Variants in EPAS1 observed in about 807,000 individuals in gnomAD.
The protein encoded by EPAS1 is endothelial PAS domain-containing protein 1.
Under a neutral mutation model 87.9 loss-of-function variants are expected in EPAS1, and 23 were observed. The observed-to-expected ratio is 0.26, with a 90% CI of 0.19 to 0.37. EPAS1 has a LOEUF of 0.37. Ranked by LOEUF, EPAS1 falls within the 10% of genes least tolerant of loss-of-function variation. The probability of loss-of-function intolerance (pLI) is 1.00; values close to 1 mark genes in which losing one functional copy is unlikely to be tolerated. For synonymous variants in EPAS1, 508 were observed against 444.3 expected, an observed-to-expected ratio of 1.14 and a Z score of -1.80; for missense variants, 1,138 against 1,120.7, an observed-to-expected ratio of 1.02 and a Z score of -0.22.
At chr2:46,302,504 G>C (rs1029004870) in intron 1 of EPAS1, among the ~76,000 whole-genome samples, 4 of 151,952 alleles carry the variant, frequency 2.6e-5, no homozygotes, top group African/African-American at 9.7e-5. Context: ...TGTCAAGTTA[G>C]CAATATTAGC....
At position 46,310,629 on chromosome 2, in the gene EPAS1, T is replaced by G. The variant is rs139857516; in HGVS notation, c.26+12692T>G. Among the ~76,000 whole-genome samples, 664 of 152,306 alleles carry G rather than the reference T, an allele frequency of 4.4e-3. 5 individuals are homozygous for G. Among genetic ancestry groups the G allele is most frequent in the African/African-American group, 0.015 (627 of 41,578 alleles). ...GGTAGAGCAGCTGGGGATTTTTCCC[T>G]CCTCGAGCAGGTGTAACCTTTCCCC... On this transcript the variant is annotated intron_variant, in intron 1 of 15. Transcript: ENST00000263734.
chr2:46,341,312 C>G (rs1021829291), intron 1 of EPAS1, among the ~76,000 whole-genome samples: 1 of 152,156 alleles, frequency 6.6e-6, no homozygotes, highest in Admixed American at 6.5e-5. Context: ...GGTGGGTAAA[C>G]TGGATAATAT....
In EPAS1 at chr2:46,376,893, A is replaced by G. The variant is rs1318024175; in HGVS notation, c.1249+140A>G. 4 of 857,152 alleles carry G rather than the reference A, an allele frequency of 4.7e-6. No homozygotes were observed. The African/African-American group carries it at 6.7e-5, about 14-fold the overall frequency. The allele number at this position is 857,152 out of a possible 1,614,324, so 53.1% of individuals were successfully genotyped here. A position where few individuals can be genotyped will look rare whatever the true frequency, so the allele number is the denominator to read the frequency against. On this transcript the variant is annotated intron_variant, in intron 9 of 15. Coordinates refer to ENST00000263734, the MANE Select transcript of EPAS1 (RefSeq NM_001430.5). ...CCCCAAGTCTTGTTAATCACCTGTT[A>G]GAGGCCAGGCCCTGCTGAGCACAAA...
chr2:46,383,131 C>T (rs116056466), intron 15 of EPAS1, among the ~76,000 whole-genome samples: 1,580 of 152,296 alleles, frequency 0.01, 17 homozygotes, highest in Non-Finnish European at 0.011. Flanking sequence ...TAGGGAGAAC[C>T]CTCCCATGAT....
At chr2:46,325,132 C>G (rs1370980795) in intron 1 of EPAS1, among the ~76,000 whole-genome samples, 1 of 152,232 alleles carries the variant, frequency 6.6e-6, no homozygotes, top group Admixed American at 6.5e-5. Flanking sequence ...GCTTAAAAAG[C>G]ATGGTGAGGA....
At position 46,360,602 on chromosome 2, in the gene EPAS1, G is replaced by C; in HGVS notation, c.455-36G>C. On this transcript the variant is annotated intron_variant, in intron 4 of 15. Transcript: ENST00000263734. This position sits in a 1 kb window ranked among gnomAD's most constrained non-coding sequence, Gnocchi z 4.5. ...CTCTCATGAATATCCATATAAAACT[G>C]ACTTCAGCTGGTTCTTCCCATCCTT... 1 of 1,583,396 alleles carries C rather than the reference G, an allele frequency of 6.3e-7. No homozygotes were observed. The highest frequency in any genetic ancestry group is 8.7e-7 in the Non-Finnish European group (1 of 1,152,262).
intron 1 of EPAS1, among the ~76,000 whole-genome samples, chr2:46,340,907 G>C (rs1477486917): frequency 1.3e-5 from 2 of 152,110 alleles, no homozygotes; most frequent in Non-Finnish European, 2.9e-5. Context: ...CTTTTTTAGA[G>C]ATGGGGTCTT....
At chr2:46,376,789 C>A in intron 9 of EPAS1, 36 bp downstream of exon 9, 1 of 1,604,146 alleles carries the variant, frequency 6.2e-7, no homozygotes, top group South Asian at 1.1e-5. Flanking sequence ...CCCCTGGAAC[C>A]CCGTTGGGGC....
At chr2:46,337,755 G>C (rs747837448) in intron 1 of EPAS1, among the ~76,000 whole-genome samples, 11 of 152,180 alleles carry the variant, frequency 7.2e-5, no homozygotes, top group Non-Finnish European at 1.5e-4. Context: ...TGGGTGTGGG[G>C]AAATACCTTC....
rs969516811 is a variant in EPAS1 at position 46,385,006 on chromosome 2, G to A, written c.*346G>A. On this transcript the variant is annotated 3_prime_UTR_variant, in exon 16 of 16. Transcript: ENST00000263734. ...AACTGTCCATACTAACAAGTTTGGT[G>A]CATGTCTGTTCTTCTGTAGGGAGAA... 5 of 332,256 alleles carry A rather than the reference G, an allele frequency of 1.5e-5. No individual in the cohort carries two copies. The highest frequency in any genetic ancestry group is 7.2e-5 in the East Asian group (1 of 13,876). The allele number at this position is 332,256 out of a possible 1,614,324, so 20.6% of individuals were successfully genotyped here. A position where few individuals can be genotyped will look rare whatever the true frequency, so the allele number is the denominator to read the frequency against.
chr2:46,307,599 G>A (rs1398801418), intron 1 of EPAS1, among the ~76,000 whole-genome samples: 1 of 152,090 alleles, frequency 6.6e-6, no homozygotes, highest in Non-Finnish European at 1.5e-5. Flanking sequence ...CTCCCATTTG[G>A]TAAGGGCCTT....
chr2:46,322,783 A>G (rs1683477079), intron 1 of EPAS1, among the ~76,000 whole-genome samples: 1 of 152,216 alleles, frequency 6.6e-6, no homozygotes, highest in African/African-American at 2.4e-5. Flanking sequence ...CAGGGATGGC[A>G]AAGGCATAGA....
intron 6 of EPAS1, among the ~76,000 whole-genome samples, chr2:46,367,700 C>T (rs1383856224): frequency 6.6e-6 from 1 of 152,256 alleles, no homozygotes; most frequent in Non-Finnish European, 1.5e-5. Context: ...CTGCTAGGAT[C>T]TCACTGGAGA....
rs574829074 is a variant in EPAS1 at position 46,312,908 on chromosome 2, G to A, written c.26+14971G>A. On this transcript the variant is annotated intron_variant, in intron 1 of 15. Coordinates refer to ENST00000263734, the MANE Select transcript of EPAS1 (RefSeq NM_001430.5). ...GGTTTGTGCAAGATGTGATTCTGTC[G>A]AGAATGGGAATATCCCTTCAACTCA... Among the ~76,000 whole-genome samples the A allele has an allele frequency of 7.9e-5, 12 of 152,086 alleles. No individual in the cohort carries two copies. The South Asian group carries it at 1.5e-3, about 18-fold the overall frequency.
Position 46,297,894 on chromosome 2 carries a change from C to T in EPAS1, c.-18C>T, listed in dbSNP as rs771239476. 1 of 1,610,896 alleles carries T rather than the reference C, an allele frequency of 6.2e-7. No homozygotes were observed. Among genetic ancestry groups the T allele is most frequent in the African/African-American group, 1.3e-5 (1 of 74,850 alleles). On this transcript the variant is annotated 5_prime_UTR_variant, in exon 1 of 16. Transcript: ENST00000263734. Reference sequence around the variant, plus strand: ...CCAGGTGCTCGGCGTCTGAACGTCTCAAAGGGCCACAGCGACAATGACAGC... The same window carrying T: ...CCAGGTGCTCGGCGTCTGAACGTCTTAAAGGGCCACAGCGACAATGACAGC...
intron 13 of EPAS1, 109 bp from the exon 14 acceptor site, chr2:46,381,866 C>T: frequency 6.5e-7 from 1 of 1,538,478 alleles, no homozygotes; most frequent in Non-Finnish European, 8.8e-7. Flanking sequence ...GGATGTGGCC[C>T]TTCCAAGCCA....
At chr2:46,331,703 C>T (rs929815680) in intron 1 of EPAS1, among the ~76,000 whole-genome samples, 1 of 152,292 alleles carries the variant, frequency 6.6e-6, no homozygotes, top group Non-Finnish European at 1.5e-5. Context: ...GAAAAATGAA[C>T]CTTTTCTTTC....
chr2:46,316,375 C>T (rs1446999025), intron 1 of EPAS1, among the ~76,000 whole-genome samples: 3 of 152,050 alleles, frequency 2.0e-5, no homozygotes, highest in African/African-American at 7.3e-5. Flanking sequence ...TCTGGTGCCT[C>T]AGCACCCCCG....
At chr2:46,311,209 A>G (rs1683206607) in intron 1 of EPAS1, among the ~76,000 whole-genome samples, 1 of 152,080 alleles carries the variant, frequency 6.6e-6, no homozygotes, top group Admixed American at 6.5e-5. Flanking sequence ...CTGTCCCTCT[A>G]GTAATCAATA....
Sources: allele counts gnomAD v4.1 joint callset (sites outside exome capture counted in the v4.1 genomes callset), GRCh38; gene constraint gnomAD v4.1.1; non-coding constraint Gnocchi (gnomAD v3.1); transcripts MANE v1.5; gene names NCBI Gene and HGNC (gene_info 2026-07-23, HGNC 2026-07-21).